SPAG16: variants seen among roughly 807,000 people sequenced by gnomAD.
SPAG16 encodes the protein sperm associated antigen 16, also known as sperm-associated antigen 16 protein.
In SPAG16, 86 loss-of-function variants were observed where a neutral mutation model predicts 80.4. The observed-to-expected ratio is 1.07, with a 90% confidence interval of 0.90 to 1.28. The LOEUF (loss-of-function observed/expected upper bound fraction) is 1.28, where lower values mean the gene tolerates loss of function less well. Ranked by LOEUF, SPAG16 falls within the 50% of genes most tolerant of loss-of-function variation. SPAG16 has a pLI of 0.00. For missense variants in SPAG16, 870 were observed against 765.3 expected, an observed-to-expected ratio of 1.14 and a Z score of -1.61; for synonymous variants, 294 against 265.9, an observed-to-expected ratio of 1.11 and a Z score of -1.03.
At chr2:213,575,489 A>C (rs2060092174) in intron 10 of SPAG16, among the ~76,000 whole-genome samples, 1 of 152,046 alleles carries the variant, frequency 6.6e-6, no homozygotes, top group Non-Finnish European at 1.5e-5. Flanking sequence ...TCAAATGTTA[A>C]GTCTTATATT....
chr2:214,169,883 C>G (rs2056808559), intron 15 of SPAG16, among the ~76,000 whole-genome samples: 1 of 151,880 alleles, frequency 6.6e-6, no homozygotes, highest in Non-Finnish European at 1.5e-5. Context: ...TAATTTCTGC[C>G]AGCAATACAG....
chr2:213,949,179 T>TTTTTTTTTTTTGTTTTTTTTTTTTTTG (rs2079612309), intron 12 of SPAG16, among the ~76,000 whole-genome samples: 2 of 36,242 alleles, frequency 5.5e-5, no homozygotes, highest in Admixed American at 9.5e-4. Context: ...GTTTTTTTTT[T>TTTTTTTTTTTTGTTTTTTTTTTTTTTG]TTTTTTTTTT....
intron 4 of SPAG16, among the ~76,000 whole-genome samples, chr2:213,310,749 T>G (rs989602315): frequency 6.6e-6 from 1 of 151,872 alleles, no homozygotes; most frequent in African/African-American, 2.4e-5. Context: ...TAACTAGTTA[T>G]GAAAATCAGT....
chr2:214,250,052 G>GCTA (rs1690137134), intron 15 of SPAG16: 1 of 152,104 alleles, frequency 6.6e-6, no homozygotes. Context: ...CCAGCCATGA[G>GCTA]GTTAGGAAAG....
chr2:213,980,416 A>C (rs182552877), intron 12 of SPAG16, among the ~76,000 whole-genome samples: 10 of 69,076 alleles, frequency 1.4e-4, no homozygotes, highest in Middle Eastern at 7.8e-3. Context: ...TATATATTCT[A>C]TATATATATA....
chr2:213,769,742 G>T (rs1381662981), intron 10 of SPAG16, among the ~76,000 whole-genome samples: 3 of 151,992 alleles, frequency 2.0e-5, no homozygotes, highest in African/African-American at 7.3e-5. Context: ...AAAAAATTTT[G>T]ACTGATACAC....
intron 13 of SPAG16, among the ~76,000 whole-genome samples, chr2:214,057,146 T>G (rs953983483): frequency 2.0e-5 from 3 of 151,274 alleles, no homozygotes; most frequent in African/African-American, 7.3e-5. Context: ...CCATGAATCT[T>G]GAATGTTCCT....
At chr2:213,441,806 A>C (rs138119789) in intron 9 of SPAG16, among the ~76,000 whole-genome samples, 1 of 152,092 alleles carries the variant, frequency 6.6e-6, no homozygotes, top group Non-Finnish European at 1.5e-5. Flanking sequence ...TTAATATACA[A>C]AAGTCAACCA....
intron 10 of SPAG16, among the ~76,000 whole-genome samples, chr2:213,764,170 C>T (rs149221631): frequency 6.6e-6 from 1 of 152,176 alleles, no homozygotes; most frequent in African/African-American, 2.4e-5. Flanking sequence ...ACTATGTAAA[C>T]GAGATTTTAA....
intron 13 of SPAG16, among the ~76,000 whole-genome samples, chr2:214,099,852 C>T (rs951347364): frequency 6.6e-6 from 1 of 151,998 alleles, no homozygotes; most frequent in African/African-American, 2.4e-5. Context: ...CATTTCATAT[C>T]GCAATCTGAA....
intron 10 of SPAG16, among the ~76,000 whole-genome samples, chr2:213,625,676 GTTTGTT>G (rs968525858): frequency 6.0e-5 from 9 of 150,716 alleles, no homozygotes; most frequent in African/African-American, 1.2e-4. Context: ...TCTTTTTTTT[GTTTGTT>G]TTTGTTTTTG....
intron 15 of SPAG16, among the ~76,000 whole-genome samples, chr2:214,288,576 C>T (rs898718245): frequency 5.9e-5 from 9 of 152,104 alleles, no homozygotes; most frequent in South Asian, 2.1e-4. Context: ...CCTCACATCC[C>T]GATCAGCATC....
intron 10 of SPAG16, among the ~76,000 whole-genome samples, chr2:213,776,837 A>T (rs920359047): frequency 1.8e-5 from 1 of 54,822 alleles, no homozygotes; most frequent in Non-Finnish European, 3.8e-5. Flanking sequence ...CCCCCCCCCC[A>T]CCCCAGGACC....
chr2:213,469,454 T>A (rs1009658316), intron 9 of SPAG16, among the ~76,000 whole-genome samples: 1 of 152,112 alleles, frequency 6.6e-6, no homozygotes, highest in Non-Finnish European at 1.5e-5. Flanking sequence ...GAAATACTTA[T>A]GACAATTACA....
At chr2:214,403,523 A>C (rs1701831934) in intron 15 of SPAG16, among the ~76,000 whole-genome samples, 1 of 152,094 alleles carries the variant, frequency 6.6e-6, no homozygotes, top group Non-Finnish European at 1.5e-5. Context: ...CAATTACAGC[A>C]CATTCCAATT....
At chr2:214,322,122 G>T (rs577884867) in intron 15 of SPAG16, among the ~76,000 whole-genome samples, 1 of 152,250 alleles carries the variant, frequency 6.6e-6, no homozygotes, top group East Asian at 1.9e-4. Flanking sequence ...TATCCATGCT[G>T]TTAGCACACT....
At chr2:214,257,390 CT>C (rs908433288) in intron 15 of SPAG16, among the ~76,000 whole-genome samples, 51 of 151,924 alleles carry the variant, frequency 3.4e-4, no homozygotes, top group African/African-American at 1.1e-3. Flanking sequence ...CTATTGCGCT[CT>C]TAAGACCTCC....
intron 12 of SPAG16, among the ~76,000 whole-genome samples, chr2:213,933,926 C>T (rs958183083): frequency 7.2e-5 from 11 of 152,178 alleles, no homozygotes; most frequent in East Asian, 5.8e-4. Context: ...CCTTAAATCC[C>T]GTTGACTCTT....
chr2:213,575,878 A>G (rs2060106149), intron 10 of SPAG16, among the ~76,000 whole-genome samples: 1 of 152,166 alleles, frequency 6.6e-6, no homozygotes. Context: ...ATTTCTGATA[A>G]TAAGTATATG....
Sources: gnomAD v4.1 joint callset for allele counts (sites outside exome capture counted in the v4.1 genomes callset) on GRCh38, gnomAD v4.1.1 for gene constraint, MANE v1.5 for transcripts, NCBI Gene and HGNC (gene_info 2026-07-23, HGNC 2026-07-21) for gene names.